Variants in ADAMTS18 observed in about 807,000 individuals in gnomAD.
ADAMTS18 encodes the protein A disintegrin and metalloproteinase with thrombospondin motifs 18.
Under a neutral mutation model 165.9 loss-of-function variants are expected in ADAMTS18, and 157 were observed. The observed-to-expected ratio is 0.95, with a 90% CI of 0.83 to 1.08. ADAMTS18 has a LOEUF of 1.08. ADAMTS18 is among the 50% of genes least tolerant of loss of function. ADAMTS18 has a pLI of 0.00. For synonymous variants in ADAMTS18, 782 were observed against 578.2 expected (o/e 1.35, Z -5.06); for missense variants, 2,040 against 1,534.0 (o/e 1.33, Z -5.51).
chr16:77,311,750 A>G (rs2650911), intron 16 of ADAMTS18, among the ~76,000 whole-genome samples: 76,564 of 150,660 alleles, frequency 0.51, 20,249 homozygotes, highest in African/African-American at 0.54. Flanking sequence ...GAATGAAACC[A>G]TAACTCCTTT....
At chr16:77,298,033 T>G (rs2055508654) in intron 17 of ADAMTS18, among the ~76,000 whole-genome samples, 1 of 147,358 alleles carries the variant, frequency 6.8e-6, no homozygotes, top group Non-Finnish European at 1.5e-5. Flanking sequence ...CAAGCGATTC[T>G]CCTGCCTCAG....
intron 1 of ADAMTS18, 47 bp from the exon 2 acceptor site, chr16:77,434,552 G>A (rs1455626572): frequency 1.3e-6 from 2 of 1,532,786 alleles, no homozygotes; most frequent in Non-Finnish European, 1.7e-6. Flanking sequence ...CGGCGGGGCT[G>A]GCGTCGGGCG....
At chr16:77,306,681 C>T (rs967939482) in intron 16 of ADAMTS18, among the ~76,000 whole-genome samples, 1 of 152,084 alleles carries the variant, frequency 6.6e-6, no homozygotes, top group Non-Finnish European at 1.5e-5. Context: ...ATAATGTATT[C>T]GATTGCTTTA....
rs542478835 is a variant in ADAMTS18, at chr16:77,392,262, T to G, written c.496-24539A>C. 2.6e-4 allele frequency among the ~76,000 whole-genome samples: 39 copies of G among 152,332 alleles called. No individual in the cohort carries two copies. In the South Asian group the frequency reaches 7.5e-3, roughly 29 times the overall value. On this transcript the variant is annotated intron_variant, in intron 3 of 22. Transcript: ENST00000282849. ...AAGTAGTGGTGTCACGCTAATTTTG[T>G]GATTTGCATGACCTGAACTCACCCC...
Position 77,359,322 on chromosome 16 carries a change from G to A in ADAMTS18, c.1318C>T (p.His440Tyr). Reference protein sequence around the residue: ...LAFTIAHESGHNFGMIHDGEG... With the variant: ...LAFTIAHESGYNFGMIHDGEG... ...GTGGTTCAAAGAGGCACTTACTTGT[G>A]CCCTGACTCATGAGCGATGGTGAAG... Residue 440 changes from histidine to tyrosine, a missense_variant, in exon 8 of 23, where the codon CAC (histidine) becomes TAC (tyrosine). Transcript: ENST00000282849. 6.2e-7 allele frequency: 1 copy of A among 1,613,668 alleles called. No homozygotes were observed. The highest frequency in any genetic ancestry group is 8.5e-7 in the Non-Finnish European group (1 of 1,179,812).
intron 2 of ADAMTS18, chr16:77,432,592 C>T (rs982238119): frequency 3.3e-5 from 5 of 152,184 alleles, no homozygotes; most frequent in Admixed American, 2.6e-4. Context: ...CATTAAAAAA[C>T]AGCCTGCATT....
rs565759067 is a variant in ADAMTS18, at chr16:77,431,876, C to A, written c.179-265G>T. On this transcript the variant is annotated intron_variant, in intron 2 of 22. Transcript: ENST00000282849. ...TGGATGTCTGTGGAAAAATGTAACACCTCTCATTGTCTGGAGAGAGATTTA... is the reference window on the plus strand; with the variant it reads ...TGGATGTCTGTGGAAAAATGTAACAACTCTCATTGTCTGGAGAGAGATTTA... The A allele has an allele frequency of 7.5e-6, 4 of 531,804 alleles. No individual in the cohort carries two copies. In the East Asian group the frequency reaches 1.3e-4, roughly 18 times the overall value. The allele number at this position is 531,804 out of a possible 1,614,324, so 32.9% of individuals were successfully genotyped here. A position where few individuals can be genotyped will look rare whatever the true frequency, so the allele number is the denominator to read the frequency against.
chr16:77,348,386 C>A (rs758734540), intron 10 of ADAMTS18, among the ~76,000 whole-genome samples: 10 of 152,206 alleles, frequency 6.6e-5, no homozygotes, highest in Admixed American at 1.3e-4. Flanking sequence ...TTCACACTTG[C>A]AGGTAGAGGA....
chr16:77,368,805 C>T (rs9941345), intron 3 of ADAMTS18, among the ~76,000 whole-genome samples: 1 of 151,904 alleles, frequency 6.6e-6, no homozygotes, highest in Non-Finnish European at 1.5e-5. Context: ...AAGTGGGGGT[C>T]TAGAGAATCT....
chr16:77,375,131 G>A (rs1045014041), intron 3 of ADAMTS18, among the ~76,000 whole-genome samples: 1 of 152,014 alleles, frequency 6.6e-6, no homozygotes, highest in South Asian at 2.1e-4. Flanking sequence ...AATTCAATGG[G>A]GGAACCAGGG....
At chr16:77,423,096 C>T (rs2057624986) in intron 3 of ADAMTS18, among the ~76,000 whole-genome samples, 1 of 152,156 alleles carries the variant, frequency 6.6e-6, no homozygotes, top group African/African-American at 2.4e-5. Flanking sequence ...ACATATTTTT[C>T]TTTTCAAGTG....
rs1567498103 is a variant in ADAMTS18 at position 77,341,797 on chromosome 16, A to T, written c.1617T>A (p.Asp539Glu). Residue 539 changes from aspartate to glutamate, a missense_variant and splice_region_variant, in exon 11 of 23, where the codon GAT (aspartate) becomes GAA (glutamate). Asp to Glu is a conservative substitution (Grantham distance 45). Transcript: ENST00000282849. ...AKLCSLGFVK[D>E]ICKSLWCHRV... ...GGTGGCACCAAAGTGATTTGCAAATATCCTGAAATAAAAAAAAAGGGGGGT... is the reference window on the plus strand; with the variant it reads ...GGTGGCACCAAAGTGATTTGCAAATTTCCTGAAATAAAAAAAAAGGGGGGT... 1 of 1,608,828 alleles carries T rather than the reference A, an allele frequency of 6.2e-7. No homozygotes were observed. Among genetic ancestry groups the T allele is most frequent in the South Asian group, 1.1e-5 (1 of 90,432 alleles).
chr16:77,386,124 G>A (rs761550302), intron 3 of ADAMTS18, among the ~76,000 whole-genome samples: 13 of 152,136 alleles, frequency 8.5e-5, no homozygotes, highest in Non-Finnish European at 1.5e-4. Flanking sequence ...GTAACTTGCC[G>A]TGATACAAAG....
At chr16:77,382,263 T>C (rs1022530621) in intron 3 of ADAMTS18, among the ~76,000 whole-genome samples, 2 of 152,172 alleles carry the variant, frequency 1.3e-5, no homozygotes, top group Non-Finnish European at 2.9e-5. Context: ...CAGGCTGGAG[T>C]GCAGTGGCGC....
At position 77,320,033 on chromosome 16, in the gene ADAMTS18, T is replaced by C. The variant is rs201514069; in HGVS notation, c.2348A>G (p.Gln783Arg). 6 of 1,614,128 alleles carry C rather than the reference T, an allele frequency of 3.7e-6. No homozygotes were observed. Among genetic ancestry groups the C allele is most frequent in the Middle Eastern group, 3.3e-4 (2 of 6,062 alleles). The change falls in exon 16 of 23, where the codon CAG becomes CGG. Residue 783 changes from glutamine (Q) to arginine (R), a missense_variant. Transcript: ENST00000282849. ...GARSIEIQEL[Q>R]VSSSYLAVRS... ...AACTGCGAGGTAACTGGAGGAAACC[T>C]GCAGCTCCTGGATTTCGATGCTTCG...
At position 77,300,385 on chromosome 16, in the gene ADAMTS18, T is replaced by G. The variant is rs2144591802; in HGVS notation, c.2552A>C (p.Asn851Thr). The G allele has an allele frequency of 1.9e-6, 3 of 1,614,062 alleles. No individual in the cohort carries two copies. In the East Asian group the frequency reaches 6.7e-5, roughly 36 times the overall value. ...LVFEILMQGK[N>T]PGIAWKYALP... ...TGCATACTTCCAAGCTATCCCTGGA[T>G]TTTTGCCTTGCATCAGAATCTGGAC... The change falls in exon 17 of 23, where the codon AAT becomes ACT. Residue 851 changes from asparagine (N) to threonine (T), a missense_variant. Physicochemically the swap from Asn to Thr is moderately conservative, Grantham distance 65 (BLOSUM62 0). Transcript: ENST00000282849.
chr16:77,318,741 G>A (rs891749491), intron 16 of ADAMTS18, among the ~76,000 whole-genome samples: 1 of 152,078 alleles, frequency 6.6e-6, no homozygotes, highest in Admixed American at 6.5e-5. Flanking sequence ...TATGAGATAG[G>A]CAAGTCTTTT....
chr16:77,359,566 AG>A (rs1021697500), intron 7 of ADAMTS18, 143 bp from the exon 8 acceptor site: 2 of 648,402 alleles, frequency 3.1e-6, no homozygotes, highest in East Asian at 2.8e-5. Context: ...AAAAAAAAAA[AG>A]ATCTATAGTT....
Position 77,320,093 on chromosome 16 carries a change from T to C in ADAMTS18, c.2288A>G (p.Glu763Gly), listed in dbSNP as rs1372112708. 1 of 1,614,044 alleles carries C rather than the reference T, an allele frequency of 6.2e-7. No individual in the cohort carries two copies. Among genetic ancestry groups the C allele is most frequent in the South Asian group, 1.1e-5 (1 of 91,072 alleles). ...GLYLNQHKAN[E>G]YYPVVLIPAG... ...TGGAATGAGGACCACCGGATAATAT[T>C]CTAAATGGAAAGAAGAGAACATGTC... The change falls in exon 16 of 23, where the codon GAA becomes GGA. Residue 763 changes from glutamate (E) to glycine (G), a missense_variant and splice_region_variant. Glu to Gly is a moderately conservative substitution (Grantham distance 98). Coordinates refer to ENST00000282849, the MANE Select transcript of ADAMTS18 (RefSeq NM_199355.4).
Sources: gnomAD v4.1 joint callset for allele counts (sites outside exome capture counted in the v4.1 genomes callset) on GRCh38, gnomAD v4.1.1 for gene constraint, MANE v1.5 for transcripts, NCBI Gene and HGNC (gene_info 2026-07-23, HGNC 2026-07-21) for gene names.